Variants in ROBO2 observed in about 807,000 individuals in gnomAD.
ROBO2 encodes the protein roundabout homolog 2.
Under a neutral mutation model 160.8 loss-of-function variants are expected in ROBO2, and 53 were observed. That is an observed-to-expected ratio of 0.33 (90% CI 0.26 to 0.41). ROBO2 has a LOEUF of 0.41. ROBO2 is among the 10% of genes least tolerant of loss of function. The pLI is 1.00. For missense variants in ROBO2, 1,577 were observed against 1,722.4 expected (o/e 0.92, Z 1.49); for synonymous variants, 664 against 611.7 (o/e 1.09, Z -1.26).
intron 2 of ROBO2, among the ~76,000 whole-genome samples, chr3:76,147,152 A>G (rs2071942069): frequency 6.6e-6 from 1 of 151,920 alleles, no homozygotes; most frequent in South Asian, 2.1e-4. Flanking sequence ...AAATTTCTTG[A>G]GAACAAAAAT....
intron 2 of ROBO2, among the ~76,000 whole-genome samples, chr3:76,989,144 T>C (rs938418048): frequency 2.6e-5 from 4 of 152,130 alleles, no homozygotes; most frequent in African/African-American, 9.7e-5. Context: ...AAGAAACTCA[T>C]TTAACATGAA....
intron 2 of ROBO2, among the ~76,000 whole-genome samples, chr3:76,396,651 A>C (rs1374878767): frequency 6.6e-6 from 1 of 152,194 alleles, no homozygotes; most frequent in Non-Finnish European, 1.5e-5. Context: ...CAATGTACAA[A>C]AATCACAAGC....
chr3:77,007,445 C>T (rs1488440905), intron 2 of ROBO2, among the ~76,000 whole-genome samples: 2 of 152,038 alleles, frequency 1.3e-5, no homozygotes, highest in African/African-American at 4.8e-5. Flanking sequence ...TCAGAGACTG[C>T]CACCCGGGTC....
Position 76,433,552 on chromosome 3 carries a change from TAAAAC to T in ROBO2, c.109+495953_109+495957del, listed in dbSNP as rs527864532. 4.8e-4 allele frequency among the ~76,000 whole-genome samples: 73 copies of T among 152,330 alleles called. 1 individual carries two copies. The highest frequency in any genetic ancestry group is 1.6e-3 in the African/African-American group (66 of 41,588). On this transcript the variant is annotated intron_variant, in intron 2 of 26. Transcript: ENST00000487694. Reference sequence around the variant, plus strand: ...TATTTTTTCTGCGTAAACCTATACTTAAAACAATAAGTGCGTCAAGTAAAGTAGGT... The same window carrying T: ...TATTTTTTCTGCGTAAACCTATACTTAATAAGTGCGTCAAGTAAAGTAGGT...
At chr3:76,944,683 A>C (rs910799585) in intron 2 of ROBO2, among the ~76,000 whole-genome samples, 2 of 152,206 alleles carry the variant, frequency 1.3e-5, no homozygotes, top group African/African-American at 2.4e-5. Context: ...ATGGCCATGC[A>C]TAAAGCTTAG....
intron 2 of ROBO2, among the ~76,000 whole-genome samples, chr3:77,103,110 T>C (rs2072243959): frequency 6.6e-6 from 1 of 151,954 alleles, no homozygotes; most frequent in Non-Finnish European, 1.5e-5. Flanking sequence ...GCACAGGGGG[T>C]CCTCACAGAG....
intron 2 of ROBO2, among the ~76,000 whole-genome samples, chr3:76,025,320 G>A (rs1054047355): frequency 1.3e-5 from 2 of 151,704 alleles, no homozygotes; most frequent in South Asian, 4.2e-4. Flanking sequence ...GTAGCTATGG[G>A]AACTTCCTCA....
At chr3:77,529,593 G>C (rs779211232) in intron 6 of ROBO2, among the ~76,000 whole-genome samples, 8 of 151,804 alleles carry the variant, frequency 5.3e-5, no homozygotes, top group Non-Finnish European at 7.4e-5. Context: ...GTAGGAAAAA[G>C]TACATTGATT....
intron 2 of ROBO2, among the ~76,000 whole-genome samples, chr3:77,226,881 T>C (rs907014636): frequency 3.3e-5 from 5 of 152,186 alleles, no homozygotes; most frequent in Non-Finnish European, 5.9e-5. Flanking sequence ...ACTGAATATG[T>C]ATTACTTTTG....
intron 2 of ROBO2, among the ~76,000 whole-genome samples, chr3:75,994,345 C>T (rs2065664886): frequency 6.6e-6 from 1 of 152,168 alleles, no homozygotes; most frequent in African/African-American, 2.4e-5. Context: ...GGCTGTGGCG[C>T]CATCCAAATG....
chr3:77,033,284 C>T (rs542733363), intron 2 of ROBO2, among the ~76,000 whole-genome samples: 1 of 152,260 alleles, frequency 6.6e-6, no homozygotes, highest in Non-Finnish European at 1.5e-5. Context: ...AATGCTACTT[C>T]AGTGTTAGAT....
chr3:77,469,724 T>C (rs1024537297), intron 2 of ROBO2, among the ~76,000 whole-genome samples: 1 of 152,188 alleles, frequency 6.6e-6, no homozygotes, highest in African/African-American at 2.4e-5. Context: ...GAGGATTCTA[T>C]TTCTTAAATC....
intron 2 of ROBO2, among the ~76,000 whole-genome samples, chr3:76,462,489 C>A (rs753722112): frequency 7.9e-5 from 12 of 151,638 alleles, no homozygotes; most frequent in Admixed American, 4.6e-4. Context: ...TGATGCATTT[C>A]TTTAATGTTA....
At chr3:77,291,615 T>C (rs1324015351) in intron 2 of ROBO2, among the ~76,000 whole-genome samples, 2 of 148,856 alleles carry the variant, frequency 1.3e-5, no homozygotes, top group Non-Finnish European at 3.0e-5. Context: ...TAAAGTAAAA[T>C]TGACGGTTAA....
At chr3:76,160,217 G>A (rs1046802625) in intron 2 of ROBO2, among the ~76,000 whole-genome samples, 7 of 151,944 alleles carry the variant, frequency 4.6e-5, no homozygotes, top group African/African-American at 7.2e-5. Context: ...TTCGTCTCTC[G>A]GTAGCCATTG....
chr3:76,674,028 C>T (rs1026968788), intron 2 of ROBO2, among the ~76,000 whole-genome samples: 6 of 151,966 alleles, frequency 3.9e-5, no homozygotes, highest in Admixed American at 3.3e-4. Flanking sequence ...TGGAACTCCC[C>T]CTCTGAACGT....
intron 2 of ROBO2, among the ~76,000 whole-genome samples, chr3:76,102,514 A>G (rs1419582527): frequency 6.6e-6 from 1 of 152,224 alleles, no homozygotes; most frequent in Non-Finnish European, 1.5e-5. Context: ...CAGTCAAAGT[A>G]GTAACAGAAA....
chr3:76,947,122 A>C (rs13058966), intron 2 of ROBO2, among the ~76,000 whole-genome samples: 1 of 152,060 alleles, frequency 6.6e-6, no homozygotes, highest in African/African-American at 2.4e-5. Context: ...CTTCTTTTAC[A>C]TGTACATTCA....
intron 2 of ROBO2, among the ~76,000 whole-genome samples, chr3:76,323,073 T>G (rs1293885562): frequency 6.6e-6 from 1 of 151,834 alleles, no homozygotes; most frequent in African/African-American, 2.4e-5. Flanking sequence ...AGTGTAGCAG[T>G]GGTCTTTCAA....
Sources: gnomAD v4.1 joint callset for allele counts (sites outside exome capture counted in the v4.1 genomes callset) on GRCh38, gnomAD v4.1.1 for gene constraint, MANE v1.5 for transcripts, NCBI Gene and HGNC (gene_info 2026-07-23, HGNC 2026-07-21) for gene names.